Variants in SUPT3H observed in about 807,000 individuals in gnomAD.
SUPT3H encodes the protein transcription initiation protein SPT3 homolog.
SUPT3H carries 44 observed loss-of-function variants against 44.3 expected under a neutral mutation model. That is an observed-to-expected ratio of 0.99 (90% confidence interval 0.78 to 1.28). The LOEUF (loss-of-function observed/expected upper bound fraction) is 1.28, where lower values mean the gene tolerates loss of function less well. SUPT3H is among the 50% of genes most tolerant of loss of function. SUPT3H has a pLI of 0.00. For synonymous variants in SUPT3H, 124 were observed against 125.6 expected (o/e 0.99, Z 0.09); for missense variants, 380 against 387.1 (o/e 0.98, Z 0.15).
chr6:45,316,433 T>C lies in SUPT3H; in HGVS notation c.101+48768A>G, dbSNP rs58628168. On this transcript the variant is annotated intron_variant, in intron 2 of 10. Transcript: ENST00000371459. ...TAAAAAGCAAAAAAAAAAAATACTG[T>C]ATCAAGCAAAATTAGATAAGAGAAA... Among the ~76,000 whole-genome samples the C allele has an allele frequency of 7.2e-3, 1,093 of 150,796 alleles. 19 individuals carry two copies. Among genetic ancestry groups the C allele is most frequent in the African/African-American group, 0.025 (1,042 of 41,122 alleles).
intron 6 of SUPT3H, among the ~76,000 whole-genome samples, chr6:44,977,951 T>C (rs1278391670): frequency 6.6e-6 from 1 of 152,148 alleles, no homozygotes; most frequent in Admixed American, 6.5e-5. Flanking sequence ...AGAAATGTAT[T>C]CTAAAATGAA....
intron 10 of SUPT3H, among the ~76,000 whole-genome samples, chr6:44,918,683 C>A (rs897085709): frequency 8.5e-5 from 13 of 152,118 alleles, no homozygotes; most frequent in African/African-American, 3.1e-4. Flanking sequence ...TCAAAGGTGA[C>A]TGGCAGGTAA....
chr6:45,316,794 C>A (rs1185078692), intron 2 of SUPT3H, among the ~76,000 whole-genome samples: 5 of 152,056 alleles, frequency 3.3e-5, no homozygotes, highest in African/African-American at 1.2e-4. Context: ...GGAAAGATAT[C>A]CTAACTTTAT....
chr6:44,884,679 A>T (rs976582020), intron 10 of SUPT3H, among the ~76,000 whole-genome samples: 2 of 152,188 alleles, frequency 1.3e-5, no homozygotes, highest in Non-Finnish European at 2.9e-5. Flanking sequence ...AGCTCCCAGC[A>T]TGAGCAATGC....
intron 10 of SUPT3H, among the ~76,000 whole-genome samples, chr6:44,835,796 C>G (rs1769757263): frequency 6.6e-6 from 1 of 151,938 alleles, no homozygotes; most frequent in South Asian, 2.1e-4. Context: ...TCTAACAGGC[C>G]TTTTTCAATC....
chr6:45,064,955 T>C (rs1392271578), intron 3 of SUPT3H, among the ~76,000 whole-genome samples: 18 of 149,624 alleles, frequency 1.2e-4, no homozygotes, highest in South Asian at 2.2e-4. Context: ...CTGCACCAAG[T>C]GGACCTAATA....
At chr6:45,230,686 A>ATATTTTTTTTT (rs796866510) in intron 2 of SUPT3H, among the ~76,000 whole-genome samples, 3 of 116,796 alleles carry the variant, frequency 2.6e-5, no homozygotes, top group African/African-American at 9.4e-5. Context: ...ATATATATAT[A>ATATTTTTTTTT]TTTTTGAGAT....
chr6:45,299,910 G>C (rs1043780495), intron 2 of SUPT3H, among the ~76,000 whole-genome samples: 4 of 151,662 alleles, frequency 2.6e-5, no homozygotes, highest in African/African-American at 9.7e-5. Flanking sequence ...TTAGTGGTAA[G>C]TATATAACAT....
intron 2 of SUPT3H, chr6:45,361,475 G>A (rs1209836789): frequency 6.6e-6 from 1 of 152,188 alleles, no homozygotes. Flanking sequence ...AGAACTCAGT[G>A]AAGACTCTCA....
At chr6:45,122,982 C>T (rs1004960849) in intron 2 of SUPT3H, among the ~76,000 whole-genome samples, 7 of 152,138 alleles carry the variant, frequency 4.6e-5, no homozygotes, top group Admixed American at 1.3e-4. Context: ...TTCTAATACC[C>T]TATTACTTAA....
At chr6:45,080,301 G>A (rs1795613749) in intron 3 of SUPT3H, among the ~76,000 whole-genome samples, 1 of 152,114 alleles carries the variant, frequency 6.6e-6, no homozygotes, top group Admixed American at 6.6e-5. Context: ...AAATATTGGT[G>A]AGAATGTGGA....
In SUPT3H at chr6:45,186,332, T is replaced by C. The variant is rs143255294; in HGVS notation, c.102-80326A>G. On this transcript the variant is annotated intron_variant, in intron 2 of 10. Transcript: ENST00000371459. ...CAACCAACAGATGTCAAAACTAAGA[T>C]GAATCAAATGTTTAAATTATCTGAC... Among the ~76,000 whole-genome samples, 4 of 151,904 alleles carry C rather than the reference T, an allele frequency of 2.6e-5. No individual in the cohort carries two copies. In the East Asian group the frequency reaches 7.8e-4, roughly 29 times the overall value.
At chr6:45,252,467 C>T (rs922391581) in intron 2 of SUPT3H, among the ~76,000 whole-genome samples, 2 of 151,876 alleles carry the variant, frequency 1.3e-5, no homozygotes, top group African/African-American at 4.8e-5. Context: ...TGTATGCTGC[C>T]CTTTAGCTCA....
intron 10 of SUPT3H, among the ~76,000 whole-genome samples, chr6:44,892,994 G>C (rs1007605513): frequency 2.0e-5 from 3 of 151,928 alleles, no homozygotes; most frequent in Admixed American, 2.0e-4. Context: ...AACTAAAGAA[G>C]TCTTTTGAAC....
At chr6:45,365,115 G>A (rs897904764) in intron 2 of SUPT3H, 86 bp downstream of exon 2, 2 of 802,752 alleles carry the variant, frequency 2.5e-6, no homozygotes, top group Non-Finnish European at 3.8e-6. Context: ...TCCAAGTTAA[G>A]TTTTATAAAT....
At chr6:45,032,212 A>G (rs1787047906) in intron 3 of SUPT3H, among the ~76,000 whole-genome samples, 1 of 152,178 alleles carries the variant, frequency 6.6e-6, no homozygotes, top group Non-Finnish European at 1.5e-5. Context: ...TACATGTTGT[A>G]TACAGTATTT....
chr6:44,866,855 G>A (rs898219083), intron 10 of SUPT3H, among the ~76,000 whole-genome samples: 41 of 152,188 alleles, frequency 2.7e-4, no homozygotes, highest in African/African-American at 8.9e-4. Flanking sequence ...TTAAATCAGT[G>A]TAAACACAAA....
chr6:45,131,085 G>T lies in SUPT3H; in HGVS notation c.102-25079C>A, dbSNP rs76692895. Among the ~76,000 whole-genome samples the T allele has an allele frequency of 2.5e-3, 376 of 152,222 alleles. 4 individuals carry two copies. The highest frequency in any genetic ancestry group is 8.7e-3 in the African/African-American group (362 of 41,512). ...CAAGGATCTGAGGTATCTTCTCTCA[G>T]TGCTGTTGCTATCCTCTCCATGATC... On this transcript the variant is annotated intron_variant, in intron 2 of 10. Transcript: ENST00000371459.
At chr6:44,951,015 T>C (rs1774224610) in intron 9 of SUPT3H, among the ~76,000 whole-genome samples, 1 of 152,048 alleles carries the variant, frequency 6.6e-6, no homozygotes, top group South Asian at 2.1e-4. Context: ...AGACTCTATA[T>C]AATCTGAGCC....
Sources: gnomAD v4.1 joint callset for allele counts (sites outside exome capture counted in the v4.1 genomes callset) on GRCh38, gnomAD v4.1.1 for gene constraint, MANE v1.5 for transcripts, NCBI Gene and HGNC (gene_info 2026-07-23, HGNC 2026-07-21) for gene names.